The following AKT3 variants were observed in gnomAD, a reference collection of about 807,000 sequenced individuals.
The protein encoded by AKT3 is RAC-gamma serine/threonine-protein kinase.
A neutral mutation model predicts 65.3 loss-of-function variants in AKT3; 15 were observed. The observed-to-expected ratio is 0.23, with a 90% CI of 0.15 to 0.35. The LOEUF is 0.35. Among genes scored for constraint, AKT3 ranks in the 10% least tolerant of loss-of-function variants. The probability of loss-of-function intolerance (pLI) is 1.00; values close to 1 mark genes in which losing one functional copy is unlikely to be tolerated. For synonymous variants in AKT3, 206 were observed against 183.8 expected (o/e 1.12, Z -0.98); for missense variants, 243 against 576.5 (o/e 0.42, Z 5.92).
intron 2 of AKT3, among the ~76,000 whole-genome samples, chr1:243,758,193 T>A (rs1019768291): frequency 6.6e-6 from 1 of 152,240 alleles, no homozygotes; most frequent in Non-Finnish European, 1.5e-5. Context: ...AAATCACTGC[T>A]TTCACGGAGT....
In AKT3 at chr1:243,576,137, C is replaced by T. The variant is rs1189764125; in HGVS notation, c.697-3089G>A. ...TAAACAGAACTAAACACAAAAACCA[C>T]GTGATTATCTCAATAGACACAGAAA... On this transcript the variant is annotated intron_variant, in intron 8 of 13. Coordinates refer to ENST00000673466, the MANE Select transcript of AKT3 (RefSeq NM_005465.7). Among the ~76,000 whole-genome samples the T allele has an allele frequency of 5.9e-5, 9 of 152,072 alleles. No homozygotes were observed. In the East Asian group the frequency reaches 1.5e-3, roughly 26 times the overall value.
At chr1:243,806,443 C>A (rs1244477653) in intron 2 of AKT3, among the ~76,000 whole-genome samples, 1 of 152,158 alleles carries the variant, frequency 6.6e-6, no homozygotes, top group Non-Finnish European at 1.5e-5. Flanking sequence ...GCTTTGCAAG[C>A]ATCAAAGTTG....
rs570256627 is a variant in AKT3 at position 243,650,374 on chromosome 1, A to T, written c.285-4337T>A. On this transcript the variant is annotated intron_variant, in intron 4 of 13. Coordinates refer to ENST00000673466, the MANE Select transcript of AKT3 (RefSeq NM_005465.7). Reference sequence around the variant, plus strand: ...TGTAGGCTGCCTGTTCTCTCTGATGATAGTTTCTTTTGCTGTGCAGAAGCT... The same window carrying T: ...TGTAGGCTGCCTGTTCTCTCTGATGTTAGTTTCTTTTGCTGTGCAGAAGCT... Among the ~76,000 whole-genome samples, 7 of 152,266 alleles carry T rather than the reference A, an allele frequency of 4.6e-5. No homozygotes were observed. In the East Asian group the frequency reaches 1.4e-3, roughly 29 times the overall value.
intron 2 of AKT3, among the ~76,000 whole-genome samples, chr1:243,782,336 A>C (rs1327851537): frequency 1.3e-5 from 2 of 152,208 alleles, no homozygotes; most frequent in African/African-American, 4.8e-5. Flanking sequence ...GAAACAACTT[A>C]TTTATTTCTC....
At chr1:243,826,533 C>G (rs897022733) in intron 2 of AKT3, among the ~76,000 whole-genome samples, 1 of 152,160 alleles carries the variant, frequency 6.6e-6, no homozygotes, top group African/African-American at 2.4e-5. Flanking sequence ...ATATAAGGGA[C>G]AGTGTGGCTG....
chr1:243,676,143 T>C (rs892739076), intron 3 of AKT3, among the ~76,000 whole-genome samples: 1 of 152,140 alleles, frequency 6.6e-6, no homozygotes, highest in Non-Finnish European at 1.5e-5. Context: ...ATAAGGCAGG[T>C]CAACGAGTTG....
At chr1:243,726,571 T>C (rs977853630) in intron 2 of AKT3, among the ~76,000 whole-genome samples, 1 of 152,104 alleles carries the variant, frequency 6.6e-6, no homozygotes, top group African/African-American at 2.4e-5. Context: ...CAGTCTGTGG[T>C]TGCTCAACTT....
At chr1:243,611,057 G>A (rs982460407) in intron 8 of AKT3, among the ~76,000 whole-genome samples, 2 of 152,156 alleles carry the variant, frequency 1.3e-5, no homozygotes, top group Non-Finnish European at 2.9e-5. Context: ...AAATTGCTGA[G>A]TCCAAGTATA....
At chr1:243,822,452 A>C (rs1693910684) in intron 2 of AKT3, among the ~76,000 whole-genome samples, 2 of 147,112 alleles carry the variant, frequency 1.4e-5, no homozygotes, top group Admixed American at 1.3e-4. Context: ...GGAGAGAGAG[A>C]CACTAAAAAC....
intron 12 of AKT3, among the ~76,000 whole-genome samples, chr1:243,522,750 G>C (rs1484238413): frequency 6.6e-6 from 1 of 152,006 alleles, no homozygotes; most frequent in Non-Finnish European, 1.5e-5. Context: ...ATATAATGTA[G>C]GTAGGTTACT....
chr1:243,665,617 C>T (rs1682713692), intron 3 of AKT3, among the ~76,000 whole-genome samples: 1 of 152,142 alleles, frequency 6.6e-6, no homozygotes, highest in Admixed American at 6.5e-5. Context: ...ATTAACTACA[C>T]AAACTTGGAC....
At chr1:243,554,677 T>C (rs1247103745) in intron 10 of AKT3, among the ~76,000 whole-genome samples, 1 of 152,134 alleles carries the variant, frequency 6.6e-6, no homozygotes. Context: ...AGATTTTAAC[T>C]AATAACAACC....
At position 243,505,140 on chromosome 1, in the gene AKT3, G is replaced by T; in HGVS notation, c.*109C>A. 1.0e-6 allele frequency: 1 copy of T among 983,404 alleles called. No individual in the cohort carries two copies. The highest frequency in any genetic ancestry group is 1.6e-6 in the Non-Finnish European group (1 of 638,778). The allele number at this position is 983,404 out of a possible 1,614,324, so 60.9% of individuals were successfully genotyped here. On this transcript the variant is annotated 3_prime_UTR_variant, in exon 14 of 14. Transcript: ENST00000673466. The stretch of plus-strand genomic sequence containing the variant: ...GGGTGAGGACCCTTGGCTGGTCTGG[G>T]ATGTCGGAAGGTGCCCCTGCTATGT...
chr1:243,830,285 C>A (rs1694421419), intron 2 of AKT3, among the ~76,000 whole-genome samples: 1 of 152,068 alleles, frequency 6.6e-6, no homozygotes, highest in African/African-American at 2.4e-5. Flanking sequence ...AGGTTGTATG[C>A]AAATACTACA....
intron 2 of AKT3, among the ~76,000 whole-genome samples, chr1:243,817,434 G>A (rs1377901106): frequency 6.6e-6 from 1 of 152,164 alleles, no homozygotes; most frequent in Non-Finnish European, 1.5e-5. Flanking sequence ...GACCCTGCTA[G>A]AAAATAATAT....
chr1:243,572,407 G>A (rs1395928782), intron 9 of AKT3, among the ~76,000 whole-genome samples: 1 of 152,020 alleles, frequency 6.6e-6, no homozygotes, highest in Admixed American at 6.6e-5. Context: ...TACCCTAAGG[G>A]TCTCATCATA....
At chr1:243,705,364 A>C (rs1470525835) in intron 2 of AKT3, among the ~76,000 whole-genome samples, 2 of 152,192 alleles carry the variant, frequency 1.3e-5, no homozygotes, top group African/African-American at 4.8e-5. Context: ...TTGGTTTGTT[A>C]GTACTTTTAT....
At chr1:243,541,081 A>T (rs937330862) in intron 12 of AKT3, among the ~76,000 whole-genome samples, 1 of 152,216 alleles carries the variant, frequency 6.6e-6, no homozygotes, top group African/African-American at 2.4e-5. Context: ...GTTCACAGGG[A>T]GATATCTTGA....
intron 2 of AKT3, among the ~76,000 whole-genome samples, chr1:243,718,941 C>T (rs1299397681): frequency 6.6e-6 from 1 of 152,078 alleles, no homozygotes; most frequent in Non-Finnish European, 1.5e-5. Context: ...CAAAACAAGC[C>T]ATAATCCAAT....
Sources: allele counts gnomAD v4.1 joint callset (sites outside exome capture counted in the v4.1 genomes callset), GRCh38; gene constraint gnomAD v4.1.1; transcripts MANE v1.5; gene names NCBI Gene and HGNC (gene_info 2026-07-23, HGNC 2026-07-21).